Variants in PRKCA observed in about 807,000 individuals in gnomAD.
The protein encoded by PRKCA is protein kinase C alpha.
In PRKCA, 27 loss-of-function variants were observed where a neutral mutation model predicts 87.0. The ratio of observed to expected loss-of-function variants is 0.31; its 90% CI spans 0.23 to 0.43. The LOEUF is 0.43. PRKCA is among the 20% of genes least tolerant of loss of function. PRKCA has a pLI of 1.00. For synonymous variants in PRKCA, 329 were observed against 311.1 expected (o/e 1.06, Z -0.61); for missense variants, 518 against 852.3 (o/e 0.61, Z 4.88).
At chr17:66,466,424 C>G (rs566868614) in intron 2 of PRKCA, among the ~76,000 whole-genome samples, 36 of 152,248 alleles carry the variant, frequency 2.4e-4, no homozygotes, top group African/African-American at 8.2e-4. Flanking sequence ...TTGGGAAGCC[C>G]TTTCTGGGAA....
chr17:66,522,029 C>G (rs1001506114), intron 3 of PRKCA, among the ~76,000 whole-genome samples: 7 of 152,250 alleles, frequency 4.6e-5, no homozygotes, highest in Admixed American at 4.6e-4. Flanking sequence ...AGCTACTATT[C>G]AATCTCTCAT....
intron 3 of PRKCA, among the ~76,000 whole-genome samples, chr17:66,553,323 T>G (rs1823124590): frequency 6.6e-6 from 1 of 152,130 alleles, no homozygotes. Context: ...TATGCTCAAA[T>G]GAGATTGGAT....
intron 2 of PRKCA, among the ~76,000 whole-genome samples, chr17:66,307,146 G>A: frequency 6.6e-6 from 1 of 152,256 alleles, no homozygotes. Context: ...TATTTTAGAT[G>A]GGAGTATTTT....
At chr17:66,706,899 C>T (rs1417387948) in intron 8 of PRKCA, among the ~76,000 whole-genome samples, 2 of 152,084 alleles carry the variant, frequency 1.3e-5, no homozygotes, top group African/African-American at 4.8e-5. Flanking sequence ...AAGTTTGTGA[C>T]CTCTGGGTTA....
intron 2 of PRKCA, among the ~76,000 whole-genome samples, chr17:66,407,032 G>C (rs1435114067): frequency 6.6e-6 from 1 of 151,964 alleles, no homozygotes; most frequent in Non-Finnish European, 1.5e-5. Flanking sequence ...TGAAAGCCTG[G>C]GTTTTAATAT....
At position 66,447,343 on chromosome 17, in the gene PRKCA, C is replaced by T. The variant is rs182893105; in HGVS notation, c.206-48858C>T. Reference sequence around the variant, plus strand: ...CCTCTTGCATGCGACTTTGGCTGGTCGGGGATGCCAGGCGAGTTCTGAGCC... The same window carrying T: ...CCTCTTGCATGCGACTTTGGCTGGTTGGGGATGCCAGGCGAGTTCTGAGCC... On this transcript the variant is annotated intron_variant, in intron 2 of 16. Transcript: ENST00000413366. Among the ~76,000 whole-genome samples, 408 of 152,162 alleles carry T rather than the reference C, an allele frequency of 2.7e-3. 8 individuals carry two copies. Among genetic ancestry groups the T allele is most frequent in the Admixed American group, 0.025 (380 of 15,292 alleles).
chr17:66,715,911 G>A (rs937045896), intron 8 of PRKCA, among the ~76,000 whole-genome samples: 1 of 152,202 alleles, frequency 6.6e-6, no homozygotes, highest in African/African-American at 2.4e-5. Flanking sequence ...GGGCAGTAAA[G>A]ATTTGCAAAT....
chr17:66,405,246 C>T (rs77792431), intron 2 of PRKCA, among the ~76,000 whole-genome samples: 1,749 of 152,320 alleles, frequency 0.011, 29 homozygotes, highest in African/African-American at 0.04. Flanking sequence ...GCCTGAAGGC[C>T]GTGGGGATTT....
intron 5 of PRKCA, among the ~76,000 whole-genome samples, chr17:66,684,061 C>T (rs1972561552): frequency 6.6e-6 from 1 of 152,202 alleles, no homozygotes; most frequent in South Asian, 2.1e-4. Context: ...CTTAGCCTGA[C>T]ATTCTTGAAA....
chr17:66,447,329 C>T (rs796722130), intron 2 of PRKCA, among the ~76,000 whole-genome samples: 5 of 152,188 alleles, frequency 3.3e-5, no homozygotes, highest in African/African-American at 7.2e-5. Context: ...CTCTTGCATG[C>T]GACTTTGGCT....
intron 2 of PRKCA, among the ~76,000 whole-genome samples, chr17:66,425,734 AT>A (rs1912766691): frequency 6.6e-6 from 1 of 152,030 alleles, no homozygotes; most frequent in Non-Finnish European, 1.5e-5. Context: ...TTAGCATATT[AT>A]TTGTTTGCGT....
chr17:66,439,921 C>T (rs1460584293), intron 2 of PRKCA, among the ~76,000 whole-genome samples: 1 of 152,156 alleles, frequency 6.6e-6, no homozygotes, highest in Admixed American at 6.5e-5. Flanking sequence ...CCCCCATGCC[C>T]TAGAAATCCC....
chr17:66,310,852 T>C (rs1246916355), intron 2 of PRKCA, among the ~76,000 whole-genome samples: 1 of 152,188 alleles, frequency 6.6e-6, no homozygotes, highest in Non-Finnish European at 1.5e-5. Flanking sequence ...CTGAGTTGTA[T>C]GGACACCAAG....
At chr17:66,528,426 A>G (rs760103264) in intron 3 of PRKCA, among the ~76,000 whole-genome samples, 3 of 152,124 alleles carry the variant, frequency 2.0e-5, no homozygotes, top group Non-Finnish European at 4.4e-5. Flanking sequence ...GGGTCTCGTG[A>G]GAGATTACCC....
At chr17:66,663,375 G>C (rs1456315912) in intron 5 of PRKCA, among the ~76,000 whole-genome samples, 1 of 152,240 alleles carries the variant, frequency 6.6e-6, no homozygotes, top group Admixed American at 6.5e-5. Context: ...ATTAGCAGCT[G>C]CCTGGGAGCC....
intron 3 of PRKCA, among the ~76,000 whole-genome samples, chr17:66,545,122 G>C (rs1267201597): frequency 6.6e-6 from 1 of 152,162 alleles, no homozygotes; most frequent in Non-Finnish European, 1.5e-5. Context: ...TGTCAGTGCT[G>C]CAGGAGTTTA....
chr17:66,686,422 C>T lies in PRKCA; in HGVS notation c.530-689C>T, dbSNP rs114198653. On this transcript the variant is annotated intron_variant, in intron 5 of 16. Transcript: ENST00000413366. The stretch of plus-strand genomic sequence containing the variant: ...AGCTCCCAGGTGATATAGATGCTGC[C>T]GGTCCATGGACCAGCAATTCTGAGT... Among the ~76,000 whole-genome samples, 134 of 152,234 alleles carry T rather than the reference C, an allele frequency of 8.8e-4. 1 individual carries two copies. The highest frequency in any genetic ancestry group is 2.9e-3 in the African/African-American group (121 of 41,532).
chr17:66,649,951 C>T (rs1328194284), intron 5 of PRKCA, among the ~76,000 whole-genome samples: 1 of 152,166 alleles, frequency 6.6e-6, no homozygotes, highest in Non-Finnish European at 1.5e-5. Flanking sequence ...GGGAAGAGAG[C>T]TCCGATTGAG....
chr17:66,339,461 GC>G (rs1906906656), intron 2 of PRKCA, among the ~76,000 whole-genome samples: 1 of 152,016 alleles, frequency 6.6e-6, no homozygotes. Flanking sequence ...CCACTCTGAA[GC>G]TAACTTAGGT....
Sources: gnomAD v4.1 joint callset for allele counts (sites outside exome capture counted in the v4.1 genomes callset) on GRCh38, gnomAD v4.1.1 for gene constraint, MANE v1.5 for transcripts, NCBI Gene and HGNC (gene_info 2026-07-23, HGNC 2026-07-21) for gene names.